The following RNF152 variants were observed in gnomAD, a reference collection of about 807,000 sequenced individuals.
RNF152 encodes ring finger protein 152.
Under a neutral mutation model 12.7 loss-of-function variants are expected in RNF152, and 11 were observed. The observed-to-expected ratio is 0.86, with a 90% confidence interval of 0.54 to 1.43. RNF152 has a LOEUF of 1.43. RNF152 is among the 40% of genes most tolerant of loss of function. RNF152 has a pLI of 0.00. For missense variants in RNF152, 255 were observed against 274.8 expected (o/e 0.93, Z 0.51); for synonymous variants, 113 against 120.3 (o/e 0.94, Z 0.40).
At chr18:61,852,208 G>T (rs537000621) in intron 1 of RNF152, among the ~76,000 whole-genome samples, 1 of 152,288 alleles carries the variant, frequency 6.6e-6, no homozygotes, top group African/African-American at 2.4e-5. Flanking sequence ...GAAACATAAG[G>T]ACATAAGACA....
In RNF152 at chr18:61,866,901, CA is replaced by C. The variant is rs76513840; in HGVS notation, c.-136+25893del. On this transcript the variant is annotated intron_variant, in intron 1 of 1. Coordinates refer to ENST00000312828, the MANE Select transcript of RNF152 (RefSeq NM_173557.3). ...TGAAACTTTAAAAAGCAAAACAACA[CA>C]AAAAAAACAGACTTAGGGGCTTGTC... is the stretch of plus-strand genomic sequence containing the variant. Among the ~76,000 whole-genome samples, 7 of 151,770 alleles carry C rather than the reference CA, an allele frequency of 4.6e-5. No individual in the cohort carries two copies. The East Asian group carries it at 1.4e-3, about 29-fold the overall frequency.
At chr18:61,821,700 T>C (rs955078823) in intron 1 of RNF152, among the ~76,000 whole-genome samples, 10 of 152,194 alleles carry the variant, frequency 6.6e-5, no homozygotes, top group African/African-American at 1.4e-4. Flanking sequence ...CCAGGCTACA[T>C]AGCAGAAGGT....
upstream of RNF152, chr18:61,894,322 G>GGCC (rs1472328192): frequency 6.6e-6 from 1 of 150,958 alleles, no homozygotes; most frequent in African/African-American, 2.4e-5. This position sits in a 1 kb window ranked among gnomAD's most constrained non-coding sequence, Gnocchi z 4.9. Context: ...CGGCGGCGGC[G>GGCC]CCTGCAGCCC....
intron 1 of RNF152, among the ~76,000 whole-genome samples, chr18:61,818,053 A>G (rs961976562): frequency 6.6e-6 from 1 of 152,126 alleles, no homozygotes; most frequent in Admixed American, 6.5e-5. Flanking sequence ...TTCCTTTCCA[A>G]TTTCCTTTGT....
chr18:61,820,388 A>G (rs1301731448), intron 1 of RNF152, among the ~76,000 whole-genome samples: 3 of 144,998 alleles, frequency 2.1e-5, no homozygotes, highest in African/African-American at 7.5e-5. Context: ...CTATAATTTT[A>G]TATCCAAGGT....
intron 1 of RNF152, among the ~76,000 whole-genome samples, chr18:61,884,516 T>A (rs1265338980): frequency 1.3e-5 from 2 of 152,120 alleles, no homozygotes; most frequent in African/African-American, 4.8e-5. Context: ...AGGCAGGGAT[T>A]TTTTTAGAAT....
At chr18:61,856,639 T>G (rs1056801254) in intron 1 of RNF152, among the ~76,000 whole-genome samples, 1 of 152,156 alleles carries the variant, frequency 6.6e-6, no homozygotes, top group African/African-American at 2.4e-5. Flanking sequence ...CTGTCCTTAC[T>G]CATTCCACAT....
intron 1 of RNF152, among the ~76,000 whole-genome samples, chr18:61,822,809 A>T (rs985574486): frequency 9.9e-5 from 15 of 152,210 alleles, no homozygotes; most frequent in Admixed American, 8.5e-4. Context: ...TGAGAAAAAA[A>T]CTCAAATGCA....
chr18:61,852,322 C>G (rs1448482911), intron 1 of RNF152, among the ~76,000 whole-genome samples: 1 of 152,192 alleles, frequency 6.6e-6, no homozygotes, highest in Non-Finnish European at 1.5e-5. Flanking sequence ...TTAAAAACCT[C>G]TGGGCAACAA....
chr18:61,868,431 G>A (rs1005011008), intron 1 of RNF152, among the ~76,000 whole-genome samples: 7 of 152,156 alleles, frequency 4.6e-5, no homozygotes, highest in South Asian at 2.1e-4. Context: ...GTTTTAGGTC[G>A]GGTGCAGTGG....
intron 1 of RNF152, among the ~76,000 whole-genome samples, chr18:61,864,825 C>A (rs1328409281): frequency 6.6e-6 from 1 of 152,176 alleles, no homozygotes; most frequent in Non-Finnish European, 1.5e-5. Flanking sequence ...CTGAGACCAG[C>A]CTGGCTAACA....
At chr18:61,846,688 G>A (rs1214113006) in intron 1 of RNF152, among the ~76,000 whole-genome samples, 1 of 152,176 alleles carries the variant, frequency 6.6e-6, no homozygotes, top group Non-Finnish European at 1.5e-5. Context: ...CACCAGAAAG[G>A]TATTCTGTAC....
At chr18:61,838,306 A>G (rs1910282192) in intron 1 of RNF152, among the ~76,000 whole-genome samples, 1 of 152,218 alleles carries the variant, frequency 6.6e-6, no homozygotes, top group African/African-American at 2.4e-5. Context: ...TCCTAATTCA[A>G]TTTCAGACTC....
chr18:61,855,765 G>A (rs1210803188), intron 1 of RNF152, among the ~76,000 whole-genome samples: 3 of 152,300 alleles, frequency 2.0e-5, no homozygotes, highest in South Asian at 2.1e-4. Flanking sequence ...TGAACTGAGC[G>A]CAGCTAGCCA....
intron 1 of RNF152, among the ~76,000 whole-genome samples, chr18:61,875,445 T>G (rs1599319364): frequency 6.6e-6 from 1 of 152,196 alleles, no homozygotes; most frequent in African/African-American, 2.4e-5. Flanking sequence ...AAAACAAATT[T>G]TTTTTCTTTG....
At chr18:61,864,289 C>T (rs79494360) in intron 1 of RNF152, among the ~76,000 whole-genome samples, 6,773 of 152,270 alleles carry the variant, frequency 0.044, 214 homozygotes, top group Middle Eastern at 0.061. Context: ...TTTCTCACAA[C>T]CCCCTCTCCG....
Position 61,816,017 on chromosome 18 carries a change from C to T in RNF152, c.447G>A (p.Glu149=), listed in dbSNP as rs1166980366. The T allele has an allele frequency of 7.4e-6, 12 of 1,614,224 alleles. No homozygotes were observed. The African/African-American group carries it at 8.0e-5, about 11-fold the overall frequency. Residue 149 remains glutamate (E), a synonymous_variant, in exon 2 of 2, where the codon GAG becomes GAA. Transcript: ENST00000312828. ...QQPLQGGAPQ[E]AVEEEQDRRG... is the part of the protein sequence containing the mutation. The stretch of plus-strand genomic sequence containing the variant: ...GCCTGTCCTGCTCCTCCTCCACCGC[C>T]TCCTGGGGAGCCCCACCTTGCAGAG...
chr18:61,830,511 G>A (rs1042837690), intron 1 of RNF152, among the ~76,000 whole-genome samples: 7 of 152,244 alleles, frequency 4.6e-5, no homozygotes, highest in African/African-American at 1.2e-4. Flanking sequence ...CCTAATATTT[G>A]TCTGGCTTAT....
At chr18:61,880,580 T>A (rs533921496) in intron 1 of RNF152, among the ~76,000 whole-genome samples, 1 of 152,338 alleles carries the variant, frequency 6.6e-6, no homozygotes, top group East Asian at 1.9e-4. Flanking sequence ...CACTATCTAC[T>A]ACTATATTTC....
Sources: gnomAD v4.1 joint callset for allele counts (sites outside exome capture counted in the v4.1 genomes callset) on GRCh38, gnomAD v4.1.1 for gene constraint, Gnocchi (gnomAD v3.1) non-coding constraint, MANE v1.5 for transcripts, NCBI Gene and HGNC (gene_info 2026-07-23, HGNC 2026-07-21) for gene names.